Variants in EPB41L4A observed in about 807,000 individuals in gnomAD.
The protein encoded by EPB41L4A is band 4.1-like protein 4A.
Under a neutral mutation model 108.6 loss-of-function variants are expected in EPB41L4A, and 100 were observed. The ratio of observed to expected loss-of-function variants is 0.92; its 90% CI spans 0.78 to 1.09. The LOEUF (loss-of-function observed/expected upper bound fraction) is 1.09, where lower values mean the gene tolerates loss of function less well. EPB41L4A is among the 50% of genes least tolerant of loss of function. EPB41L4A has a pLI of 0.00. For synonymous variants in EPB41L4A, 319 were observed against 289.0 expected, an observed-to-expected ratio of 1.10 and a Z score of -1.05; for missense variants, 1,030 against 842.7, an observed-to-expected ratio of 1.22 and a Z score of -2.75.
intron 1 of EPB41L4A, among the ~76,000 whole-genome samples, chr5:112,328,570 G>C (rs1006726828): frequency 6.6e-6 from 1 of 152,160 alleles, no homozygotes; most frequent in African/African-American, 2.4e-5. Flanking sequence ...AACCAGAGTG[G>C]AGGCTAGAAC....
At chr5:112,158,379 A>G (rs1194084113), downstream of EPB41L4A, 1 of 387,954 alleles carries the variant, frequency 2.6e-6, no homozygotes, top group South Asian at 2.0e-5. Flanking sequence ...TAACCCATAT[A>G]GTACATGTGT....
intron 12 of EPB41L4A, among the ~76,000 whole-genome samples, chr5:112,148,505 AT>A (rs1013558327): frequency 2.6e-5 from 4 of 151,870 alleles, no homozygotes; most frequent in African/African-American, 4.8e-5. Context: ...TTCTTATTCC[AT>A]TTTTTTATTT....
At chr5:112,177,026 A>G (rs1760903716) in intron 18 of EPB41L4A, among the ~76,000 whole-genome samples, 3 of 152,042 alleles carry the variant, frequency 2.0e-5, no homozygotes. Flanking sequence ...AAGTGCTGGG[A>G]TTACAGGCAT....
At chr5:112,157,511 A>C (rs1580333467) in intron 12 of EPB41L4A, among the ~76,000 whole-genome samples, 2 of 152,360 alleles carry the variant, frequency 1.3e-5, no homozygotes, top group East Asian at 3.9e-4. Flanking sequence ...TCTGTAGGAC[A>C]GAAATCCCTG....
At chr5:112,211,903 C>G (rs1762763611) in intron 12 of EPB41L4A, among the ~76,000 whole-genome samples, 1 of 152,154 alleles carries the variant, frequency 6.6e-6, no homozygotes, top group Non-Finnish European at 1.5e-5. Flanking sequence ...AAAGGTGAGC[C>G]TGAAGACACC....
At position 112,204,466 on chromosome 5, in the gene EPB41L4A, C is replaced by G; in HGVS notation, c.1285G>C (p.Asp429His). Residue 429 changes from aspartate (D) to histidine (H), a missense_variant, in exon 15 of 23, where the codon GAT becomes CAT. Asp to His is a moderately conservative substitution (Grantham distance 81). Transcript: ENST00000261486. Reference protein sequence around the residue: ...PQSGLYNSPSDRTKSPKFPYT... With the variant: ...PQSGLYNSPSHRTKSPKFPYT... ...GGGAACTTTGGCGACTTAGTGCGAT[C>G]ACTGGGAGAATTGTAGAGTCCACTG... 1 of 1,613,224 alleles carries G rather than the reference C, an allele frequency of 6.2e-7. No individual in the cohort carries two copies. The highest frequency in any genetic ancestry group is 1.1e-5 in the South Asian group (1 of 91,046).
downstream of EPB41L4A, chr5:112,161,779 G>A (rs919754526): frequency 2.7e-5 from 10 of 374,300 alleles, no homozygotes; most frequent in African/African-American, 2.1e-4. Flanking sequence ...CCTGAAGGTA[G>A]GGTGATATGT....
At chr5:112,290,785 A>G (rs1156654235) in intron 2 of EPB41L4A, among the ~76,000 whole-genome samples, 1 of 152,146 alleles carries the variant, frequency 6.6e-6, no homozygotes, top group Non-Finnish European at 1.5e-5. Flanking sequence ...ATGTAGTTTT[A>G]GCTAACCAAG....
intron 18 of EPB41L4A, among the ~76,000 whole-genome samples, chr5:112,181,055 A>G (rs1245618596): frequency 6.6e-6 from 1 of 152,190 alleles, no homozygotes; most frequent in Non-Finnish European, 1.5e-5. Flanking sequence ...AACAAACTCA[A>G]ATACTAACAA....
intron 1 of EPB41L4A, among the ~76,000 whole-genome samples, chr5:112,399,038 G>A (rs753197485): frequency 6.6e-6 from 1 of 152,000 alleles, no homozygotes; most frequent in African/African-American, 2.4e-5. Context: ...TACACTGTGA[G>A]ACCAACGTGC....
chr5:112,227,583 A>T (rs1489765463), intron 12 of EPB41L4A, among the ~76,000 whole-genome samples: 1 of 152,206 alleles, frequency 6.6e-6, no homozygotes, highest in Non-Finnish European at 1.5e-5. Context: ...AAGCTGAACC[A>T]GCAAAGTACC....
chr5:112,275,385 C>G lies in EPB41L4A; in HGVS notation c.276G>C (p.Leu92Phe). Reference sequence around the variant, plus strand: ...CAGCATAGAATTTAATACCAAAATACAAAGTATATGGAGGTCCAGCTAAAA... The same window carrying G: ...CAGCATAGAATTTAATACCAAAATAGAAAGTATATGGAGGTCCAGCTAAAA... ...ELINTGPPYTLYFGIKFYAED... is the reference protein window; with the variant it reads ...ELINTGPPYTFYFGIKFYAED... Residue 92 changes from leucine (L) to phenylalanine (F), a missense_variant, in exon 4 of 23, where the codon TTG (leucine) becomes TTC (phenylalanine). Coordinates refer to ENST00000261486, the MANE Select transcript of EPB41L4A (RefSeq NM_022140.5). The G allele has an allele frequency of 6.5e-7, 1 of 1,547,364 alleles. No homozygotes were observed. Among genetic ancestry groups the G allele is most frequent in the African/African-American group, 1.4e-5 (1 of 73,182 alleles).
intron 4 of EPB41L4A, among the ~76,000 whole-genome samples, chr5:112,273,242 T>C (rs1752392715): frequency 6.6e-6 from 1 of 152,376 alleles, no homozygotes; most frequent in South Asian, 2.1e-4. Context: ...TCATGGACAC[T>C]AATTGCAAGC....
At chr5:112,400,625 C>A (rs1232021208) in intron 1 of EPB41L4A, among the ~76,000 whole-genome samples, 1 of 152,082 alleles carries the variant, frequency 6.6e-6, no homozygotes, top group Non-Finnish European at 1.5e-5. Flanking sequence ...AAAGACAGGA[C>A]CAAGCCATGA....
At chr5:112,413,712 A>T (rs1409136526) in intron 1 of EPB41L4A, among the ~76,000 whole-genome samples, 1 of 152,224 alleles carries the variant, frequency 6.6e-6, no homozygotes, top group Non-Finnish European at 1.5e-5. Context: ...GATGCTTCCG[A>T]TAAGTATGTG....
intron 18 of EPB41L4A, among the ~76,000 whole-genome samples, chr5:112,180,179 C>T (rs1761074704): frequency 6.6e-6 from 1 of 152,022 alleles, no homozygotes; most frequent in Non-Finnish European, 1.5e-5. Flanking sequence ...TATTCCTAGT[C>T]AAAAGTCTTT....
At chr5:112,208,956 G>A (rs1180135240) in intron 13 of EPB41L4A, among the ~76,000 whole-genome samples, 1 of 152,152 alleles carries the variant, frequency 6.6e-6, no homozygotes, top group Non-Finnish European at 1.5e-5. Context: ...CCTAAAAGGA[G>A]AACCAGTAAA....
chr5:112,327,829 C>T (rs1332236126), intron 1 of EPB41L4A, among the ~76,000 whole-genome samples: 1 of 152,096 alleles, frequency 6.6e-6, no homozygotes, highest in Admixed American at 6.6e-5. Flanking sequence ...GGGAAGTGGG[C>T]AAGCAGAACT....
chr5:112,262,658 G>A lies in EPB41L4A; in HGVS notation c.555-77C>T, dbSNP rs115229905. On this transcript the variant is annotated intron_variant, in intron 6 of 22. Coordinates refer to ENST00000261486, the MANE Select transcript of EPB41L4A (RefSeq NM_022140.5). ...TACAGGGATGCAAACTATCTTCATT[G>A]TATTCAATGGGAAAACAAATAATAC... 2,713 of 1,128,416 alleles carry A rather than the reference G, an allele frequency of 2.4e-3. 47 individuals carry two copies. The African/African-American group carries it at 0.037, about 15-fold the overall frequency. The allele number at this position is 1,128,416 out of a possible 1,614,324, so 69.9% of individuals were successfully genotyped here.
Sources: gnomAD v4.1 joint callset for allele counts (sites outside exome capture counted in the v4.1 genomes callset) on GRCh38, gnomAD v4.1.1 for gene constraint, MANE v1.5 for transcripts, NCBI Gene and HGNC (gene_info 2026-07-23, HGNC 2026-07-21) for gene names.